The following GLCCI1 variants were observed in gnomAD, a reference collection of about 807,000 sequenced individuals.
GLCCI1 encodes the protein glucocorticoid induced 1, also known as glucocorticoid-induced transcript 1 protein.
A neutral mutation model predicts 52.2 loss-of-function variants in GLCCI1; 24 were observed. The observed-to-expected ratio is 0.46, with a 90% CI of 0.33 to 0.65. The LOEUF is 0.65. Among genes scored for constraint, GLCCI1 ranks in the 30% least tolerant of loss-of-function variants. The pLI is 0.02. For synonymous variants in GLCCI1, 310 were observed against 276.5 expected, an observed-to-expected ratio of 1.12 and a Z score of -1.20; for missense variants, 704 against 701.5, an observed-to-expected ratio of 1.00 and a Z score of -0.04.
At chr7:8,033,534 T>C (rs1165364732) in intron 3 of GLCCI1, among the ~76,000 whole-genome samples, 2 of 148,008 alleles carry the variant, frequency 1.4e-5, no homozygotes, top group East Asian at 3.8e-4. Flanking sequence ...TTATTATAAC[T>C]AATAAGTTTA....
intron 3 of GLCCI1, among the ~76,000 whole-genome samples, chr7:8,023,956 T>C (rs916718297): frequency 1.3e-5 from 2 of 152,090 alleles, no homozygotes; most frequent in African/African-American, 4.8e-5. Context: ...GTTTAATTGG[T>C]TTAATTGTTT....
At chr7:8,066,882 AG>A (rs1286825036) in intron 5 of GLCCI1, among the ~76,000 whole-genome samples, 1 of 152,176 alleles carries the variant, frequency 6.6e-6, no homozygotes, top group African/African-American at 2.4e-5. Context: ...AGAGTTCTGT[AG>A]ATGTCTATTC....
chr7:8,067,624 C>G (rs1782660101), intron 5 of GLCCI1, among the ~76,000 whole-genome samples: 1 of 152,126 alleles, frequency 6.6e-6, no homozygotes, highest in South Asian at 2.1e-4. Context: ...TTGTCCTGTG[C>G]TTATGTAGCT....
chr7:8,034,826 C>G (rs764044828), intron 3 of GLCCI1, among the ~76,000 whole-genome samples: 3 of 152,132 alleles, frequency 2.0e-5, no homozygotes, highest in Non-Finnish European at 4.4e-5. Context: ...CCCTTCCCCT[C>G]GCAGCAAACT....
intron 1 of GLCCI1, among the ~76,000 whole-genome samples, chr7:7,992,107 TTCTCTCTC>T (rs60234956): frequency 1.4e-5 from 2 of 141,310 alleles, no homozygotes; most frequent in South Asian, 2.3e-4. Context: ...TTCTGTCTGT[TTCTCTCTC>T]TCTCTCTCTC....
intron 1 of GLCCI1, chr7:7,981,090 T>C (rs1780604074): frequency 4.3e-6 from 2 of 470,562 alleles, no homozygotes; most frequent in African/African-American, 2.1e-5. Flanking sequence ...ACCTACCTGA[T>C]GCAGATATTA....
chr7:7,985,816 ATT>A (rs1216342163), intron 1 of GLCCI1, among the ~76,000 whole-genome samples: 2 of 152,144 alleles, frequency 1.3e-5, no homozygotes, highest in African/African-American at 2.4e-5. Context: ...CTGCAGTTTA[ATT>A]TTCTTAACAA....
Position 8,086,699 on chromosome 7 carries a change from T to C in GLCCI1, c.*161T>C. The C allele has an allele frequency of 1.6e-6, 1 of 629,114 alleles. No homozygotes were observed. Among genetic ancestry groups the C allele is most frequent in the Non-Finnish European group, 2.7e-6 (1 of 371,978 alleles). The allele number at this position is 629,114 out of a possible 1,614,324, so 39.0% of individuals were successfully genotyped here. A position where few individuals can be genotyped will look rare whatever the true frequency, so the allele number is the denominator to read the frequency against. Reference sequence around the variant, plus strand: ...CTGATCTTGGCAGGGACGGAACTCCTATTCAGCAGTTTTTGTGGAAAGCAG... The same window carrying C: ...CTGATCTTGGCAGGGACGGAACTCCCATTCAGCAGTTTTTGTGGAAAGCAG... On this transcript the variant is annotated 3_prime_UTR_variant, in exon 8 of 8. Transcript: ENST00000223145. This position sits in a 1 kb window ranked among gnomAD's most constrained non-coding sequence, Gnocchi z 4.4.
In GLCCI1 at chr7:8,005,151, C is replaced by A. The variant is rs76755715; in HGVS notation, c.609+1092C>A. Among the ~76,000 whole-genome samples, 556 of 152,126 alleles carry A rather than the reference C, an allele frequency of 3.7e-3. 2 individuals carry two copies. Among genetic ancestry groups the A allele is most frequent in the Middle Eastern group, 0.017 (5 of 294 alleles). ...ACTAGCAAAACTTAGAGGTGTGGGC[C>A]TGGACAGTTAGAGATCTGGACACAG... On this transcript the variant is annotated intron_variant, in intron 2 of 7. Transcript: ENST00000223145.
rs187662582 is a variant in GLCCI1, at chr7:8,068,783, G to C, written c.967-2138G>C. On this transcript the variant is annotated intron_variant, in intron 5 of 7. Transcript: ENST00000223145. ...GTGGGCTGATGTTCCTTCAACCATG[G>C]TATAATTTGTACAGTCGGTTGACTT... Among the ~76,000 whole-genome samples, 76 of 152,266 alleles carry C rather than the reference G, an allele frequency of 5.0e-4. 1 individual carries two copies. Among genetic ancestry groups the C allele is most frequent in the African/African-American group, 1.8e-3 (73 of 41,542 alleles).
chr7:8,047,111 A>G (rs1016022129), intron 3 of GLCCI1, among the ~76,000 whole-genome samples: 1 of 152,242 alleles, frequency 6.6e-6, no homozygotes, highest in East Asian at 1.9e-4. Flanking sequence ...TTACTTACAA[A>G]GAAATGACAA....
intron 1 of GLCCI1, among the ~76,000 whole-genome samples, chr7:8,001,960 G>A (rs1450901053): frequency 6.6e-6 from 1 of 152,122 alleles, no homozygotes; most frequent in African/African-American, 2.4e-5. Flanking sequence ...GTGGGGAGCT[G>A]GGAGAGGGAT....
intron 6 of GLCCI1, among the ~76,000 whole-genome samples, chr7:8,077,302 C>A (rs10952084): frequency 0.14 from 21,322 of 152,154 alleles, 1,638 homozygotes; most frequent in East Asian, 0.25. Flanking sequence ...TACACTATCT[C>A]CTTGTGACAC....
At position 8,012,432 on chromosome 7, in the gene GLCCI1, C is replaced by CTTTTTTTTTTTTTTTTTTTTTT. The variant is rs71014746; in HGVS notation, c.609+8382_609+8403dup. On this transcript the variant is annotated intron_variant, in intron 2 of 7. Coordinates refer to ENST00000223145, the MANE Select transcript of GLCCI1 (RefSeq NM_138426.4). ...CCATTCTGTGGGTTGCCTTTTTATT[C>CTTTTTTTTTTTTTTTTTTTTTT]TTTTTTTTTTTTTTTTTTTTTTTTT... is the stretch of plus-strand genomic sequence containing the variant. Among the ~76,000 whole-genome samples, 5 of 70,396 alleles carry CTTTTTTTTTTTTTTTTTTTTTT rather than the reference C, an allele frequency of 7.1e-5. 1 individual carries two copies. The highest frequency in any genetic ancestry group is 4.3e-4 in the Admixed American group (2 of 4,606). 46.2% of individuals were successfully genotyped at this position (70,396 alleles called of 152,430 possible).
intron 3 of GLCCI1, among the ~76,000 whole-genome samples, chr7:8,051,563 T>C (rs1444010377): frequency 6.6e-6 from 1 of 152,196 alleles, no homozygotes; most frequent in African/African-American, 2.4e-5. Context: ...CAGAAAATCT[T>C]ATGTGGTGAA....
rs182145977 is a variant in GLCCI1 at position 7,982,695 on chromosome 7, C to G, written c.457+12888C>G. ...TGTCATTTGCTTTGTACATAGGTAT[C>G]TCTAAATGAAATGTTAATTTTGTAT... On this transcript the variant is annotated intron_variant, in intron 1 of 7. Transcript: ENST00000223145. Among the ~76,000 whole-genome samples, 3 of 152,222 alleles carry G rather than the reference C, an allele frequency of 2.0e-5. No individual in the cohort carries two copies. In the East Asian group the frequency reaches 5.8e-4, roughly 29 times the overall value.
At chr7:8,044,796 A>T (rs1782085205) in intron 3 of GLCCI1, among the ~76,000 whole-genome samples, 2 of 152,224 alleles carry the variant, frequency 1.3e-5, no homozygotes, top group South Asian at 4.1e-4. Flanking sequence ...AACCTGTAAG[A>T]ATGCAATGTG....
At chr7:8,006,363 T>G (rs755531507) in intron 2 of GLCCI1, among the ~76,000 whole-genome samples, 1 of 152,114 alleles carries the variant, frequency 6.6e-6, no homozygotes, top group Non-Finnish European at 1.5e-5. Context: ...CCCTACTATT[T>G]GAGAGTTAAG....
chr7:7,994,809 C>T (rs1397073513), intron 1 of GLCCI1, among the ~76,000 whole-genome samples: 1 of 152,182 alleles, frequency 6.6e-6, no homozygotes, highest in Non-Finnish European at 1.5e-5. Context: ...TGAATATTGA[C>T]TTATTACTCT....
Sources: allele counts gnomAD v4.1 joint callset (sites outside exome capture counted in the v4.1 genomes callset), GRCh38; gene constraint gnomAD v4.1.1; non-coding constraint Gnocchi (gnomAD v3.1); transcripts MANE v1.5; gene names NCBI Gene and HGNC (gene_info 2026-07-23, HGNC 2026-07-21).